The following ABCC5 variants were observed in gnomAD, a reference collection of about 807,000 sequenced individuals.
The protein encoded by ABCC5 is ATP binding cassette subfamily C member 5, also known as ATP-binding cassette sub-family C member 5.
Under a neutral mutation model 160.9 loss-of-function variants are expected in ABCC5, and 61 were observed. The ratio of observed to expected loss-of-function variants is 0.38; its 90% CI spans 0.31 to 0.47. The LOEUF is 0.47. ABCC5 is among the 20% of genes least tolerant of loss of function. The probability of loss-of-function intolerance (pLI) is 0.99; values close to 1 mark genes in which losing one functional copy is unlikely to be tolerated. For synonymous variants in ABCC5, 666 were observed against 700.6 expected, an observed-to-expected ratio of 0.95 and a Z score of 0.78; for missense variants, 1,308 against 1,813.3, an observed-to-expected ratio of 0.72 and a Z score of 5.06.
chr3:183,959,751 C>T lies in ABCC5; in HGVS notation c.2464G>A (p.Ala822Thr). 1 of 1,611,032 alleles carries T rather than the reference C, an allele frequency of 6.2e-7. No individual in the cohort carries two copies. ...PKTGSVKKEKAVKPEEGQLVQ... is the reference protein window; with the variant it reads ...PKTGSVKKEKTVKPEEGQLVQ... Reference sequence around the variant, plus strand: ...CCATTACCTTCCTCTGGCTTTACTGCTTTTTCCTTCTTTACTGATCCTGTT... The same window carrying T: ...CCATTACCTTCCTCTGGCTTTACTGTTTTTTCCTTCTTTACTGATCCTGTT... The change falls in exon 17 of 30, where the codon GCA (alanine) becomes ACA (threonine). Residue 822 changes from alanine to threonine, a missense_variant. By Grantham distance (58) the Ala-to-Thr change is moderately conservative (BLOSUM62 0). Coordinates refer to ENST00000334444, the MANE Select transcript of ABCC5 (RefSeq NM_005688.4).
intron 9 of ABCC5, 134 bp from the exon 10 acceptor site, chr3:183,977,758 T>C: frequency 4.3e-6 from 1 of 234,792 alleles, no homozygotes; most frequent in Non-Finnish European, 7.9e-6. Context: ...GTCAATTACA[T>C]TTTTTTTTTT....
chr3:183,951,909 G>A lies in ABCC5; in HGVS notation c.2762C>T (p.Ser921Phe). ...TTTCAGGATCAGCATGACTGCCATGGAGAGGGCGTAGATGCTGGCATAGTA... is the reference window on the plus strand; with the variant it reads ...TTTCAGGATCAGCATGACTGCCATGAAGAGGGCGTAGATGCTGGCATAGTA... Reference protein sequence around the residue: ...MQYYASIYALSMAVMLILKAI... With the variant: ...MQYYASIYALFMAVMLILKAI... Residue 921 changes from serine (S) to phenylalanine (F), a missense_variant, in exon 19 of 30, where the codon TCC becomes TTC. By Grantham distance (155) the Ser-to-Phe change is radical. Transcript: ENST00000334444. This position sits in a 1 kb window ranked among gnomAD's most constrained non-coding sequence, Gnocchi z 4.7. 1 of 1,614,118 alleles carries A rather than the reference G, an allele frequency of 6.2e-7. No individual in the cohort carries two copies. The highest frequency in any genetic ancestry group is 1.7e-5 in the Admixed American group (1 of 60,032).
intron 2 of ABCC5, among the ~76,000 whole-genome samples, chr3:184,007,267 G>A (rs1287126585): frequency 5.9e-5 from 9 of 151,522 alleles, no homozygotes; most frequent in Middle Eastern, 3.4e-3. Flanking sequence ...TGATCTGCCC[G>A]CCTCGGCCTC....
At chr3:183,979,879 CTT>C (rs879432063) in intron 8 of ABCC5, among the ~76,000 whole-genome samples, 2 of 143,946 alleles carry the variant, frequency 1.4e-5, no homozygotes, top group Non-Finnish European at 3.1e-5. Flanking sequence ...CCGGCCAATA[CTT>C]TTTTTTTTTT....
chr3:183,972,137 G>A, intron 10 of ABCC5: 1 of 825,988 alleles, frequency 1.2e-6, no homozygotes, highest in Non-Finnish European at 2.0e-6. Context: ...CCTTATCAAT[G>A]ACCCAATATT....
At chr3:184,007,504 A>C (rs1209245338) in intron 2 of ABCC5, among the ~76,000 whole-genome samples, 1 of 152,176 alleles carries the variant, frequency 6.6e-6, no homozygotes, top group Middle Eastern at 3.2e-3. Context: ...TAAAGCAATT[A>C]AAATCCAAAC....
At chr3:183,956,991 C>A (rs75529079) in intron 17 of ABCC5, among the ~76,000 whole-genome samples, 3 of 123,560 alleles carry the variant, frequency 2.4e-5, no homozygotes, top group South Asian at 2.9e-4. Context: ...TCCGTGTGTA[C>A]ATCACATCGG....
intron 27 of ABCC5, 50 bp downstream of exon 27, chr3:183,928,697 G>A: frequency 6.5e-7 from 1 of 1,549,706 alleles, no homozygotes. Context: ...GCACTGCTGT[G>A]CTTCCACCCT....
chr3:184,011,523 A>G (rs1204205923), intron 2 of ABCC5: 1 of 152,164 alleles, frequency 6.6e-6, no homozygotes, highest in Non-Finnish European at 1.5e-5. Context: ...CACTTACCAT[A>G]TGACCCAGCA....
At position 183,985,310 on chromosome 3, in the gene ABCC5, T is replaced by C. The variant is rs763555570; in HGVS notation, c.592-2303A>G. 3 of 1,613,822 alleles carry C rather than the reference T, an allele frequency of 1.9e-6. No homozygotes were observed. In the South Asian group the frequency reaches 3.3e-5, roughly 18 times the overall value. On this transcript the variant is annotated intron_variant, in intron 5 of 29. Transcript: ENST00000334444. ...TGAATAAACATTACCTTACCTGAAC[T>C]CTTGGCGAGAGATTCTGCCCAGCTT... is the stretch of plus-strand genomic sequence containing the variant.
intron 10 of ABCC5, among the ~76,000 whole-genome samples, chr3:183,972,936 G>A (rs892717478): frequency 6.7e-6 from 1 of 149,438 alleles, no homozygotes; most frequent in Non-Finnish European, 1.5e-5. Flanking sequence ...GTGAGCCACC[G>A]CACCCAGCTG....
At chr3:183,945,984 A>G (rs551903262) in intron 23 of ABCC5, 45 bp from the exon 24 acceptor site, 1 of 1,548,686 alleles carries the variant, frequency 6.5e-7, no homozygotes. Context: ...CATTATCAAT[A>G]CACGCCAGGC....
chr3:183,989,132 C>G (rs1224532088), intron 3 of ABCC5, 94 bp downstream of exon 3: 5 of 1,270,970 alleles, frequency 3.9e-6, no homozygotes, highest in Non-Finnish European at 5.2e-6. Context: ...GATCATGCCA[C>G]TGGCGACAGA....
chr3:183,967,443 A>C, intron 12 of ABCC5: 1 of 456,222 alleles, frequency 2.2e-6, no homozygotes. Context: ...GAATGAAAGA[A>C]GGCATGAGAC....
chr3:183,936,639 C>T (rs955364184), intron 26 of ABCC5, among the ~76,000 whole-genome samples: 1 of 152,058 alleles, frequency 6.6e-6, no homozygotes, highest in African/African-American at 2.4e-5. Context: ...TCCCAAGTAG[C>T]TGGGACTACA....
chr3:183,941,521 T>A (rs1714348675), intron 25 of ABCC5, among the ~76,000 whole-genome samples: 1 of 139,830 alleles, frequency 7.2e-6, no homozygotes, highest in South Asian at 2.2e-4. Flanking sequence ...AGACAAAAGG[T>A]TTTTTTTTTT....
chr3:183,946,014 T>C, intron 23 of ABCC5, 75 bp from the exon 24 acceptor site: 1 of 1,331,186 alleles, frequency 7.5e-7, no homozygotes, highest in Non-Finnish European at 1.1e-6. Flanking sequence ...AGAACTTCCT[T>C]CATCTAGAGG....
intron 11 of ABCC5, among the ~76,000 whole-genome samples, chr3:183,968,203 ACTGCAGCTT>A (rs1717406920): frequency 1.3e-5 from 2 of 152,254 alleles, no homozygotes; most frequent in South Asian, 4.1e-4. Flanking sequence ...ATCTTGGCTC[ACTGCAGCTT>A]CCGCTTCCGG....
At position 183,921,648 on chromosome 3, in the gene ABCC5, CAAA is replaced by C. The variant is rs74271190; in HGVS notation, c.4213-250_4213-248del. Among the ~76,000 whole-genome samples the C allele has an allele frequency of 7.8e-6, 1 of 129,002 alleles. No homozygotes were observed. The highest frequency in any genetic ancestry group is 1.7e-5 in the Non-Finnish European group (1 of 60,152). The allele number at this position is 129,002 out of a possible 152,430, so 84.6% of individuals were successfully genotyped here. On this transcript the variant is annotated intron_variant, in intron 29 of 29. Coordinates refer to ENST00000334444, the MANE Select transcript of ABCC5 (RefSeq NM_005688.4). This position sits in a 1 kb window ranked among gnomAD's most constrained non-coding sequence, Gnocchi z 4.1. The stretch of plus-strand genomic sequence containing the variant: ...TTTGCCTAATAAAGTAGTATCATAG[CAAA>C]AAAAAAAAAAGAAAACGACTTCCAG...
Sources: allele counts gnomAD v4.1 joint callset (sites outside exome capture counted in the v4.1 genomes callset), GRCh38; gene constraint gnomAD v4.1.1; non-coding constraint Gnocchi (gnomAD v3.1); transcripts MANE v1.5; gene names NCBI Gene and HGNC (gene_info 2026-07-23, HGNC 2026-07-21).